CHRNB1: variants seen among roughly 807,000 people sequenced by gnomAD.
The protein encoded by CHRNB1 is acetylcholine receptor subunit beta.
In CHRNB1, 47 loss-of-function variants were observed where a neutral mutation model predicts 53.8. The observed-to-expected ratio is 0.87, with a 90% CI of 0.69 to 1.11. The LOEUF (loss-of-function observed/expected upper bound fraction) is 1.11. CHRNB1 is among the 50% of genes most tolerant of loss of function. CHRNB1 has a pLI of 0.00. For missense variants in CHRNB1, 605 were observed against 654.9 expected (o/e 0.92, Z 0.83); for synonymous variants, 259 against 263.5 (o/e 0.98, Z 0.16).
rs1287617998 is a variant in CHRNB1 at position 7,456,728 on chromosome 17, T to C, written c.*5T>C. ...CCTCCAGACCCCTTTCCTTGAAGACTGGAGGGTTGAGACCCAGGCCCCCTG... is the reference window on the plus strand; with the variant it reads ...CCTCCAGACCCCTTTCCTTGAAGACCGGAGGGTTGAGACCCAGGCCCCCTG... On this transcript the variant is annotated 3_prime_UTR_variant, in exon 11 of 11. Transcript: ENST00000306071. 6.2e-7 allele frequency: 1 copy of C among 1,614,160 alleles called. No individual in the cohort carries two copies. Among genetic ancestry groups the C allele is most frequent in the South Asian group, 1.1e-5 (1 of 91,080 alleles).
intron 7 of CHRNB1, among the ~76,000 whole-genome samples, chr17:7,449,424 T>C (rs1220929978): frequency 7.7e-4 from 114 of 147,160 alleles, no homozygotes; most frequent in African/African-American, 2.6e-3. Context: ...TTTTTTTTTT[T>C]TGAGACAGAG....
Position 7,445,631 on chromosome 17 carries a change from A to C in CHRNB1, c.198+222A>C. 2.1e-6 allele frequency: 3 copies of C among 1,430,282 alleles called. No homozygotes were observed. In the South Asian group the frequency reaches 4.4e-5, roughly 21 times the overall value. The allele number at this position is 1,430,282 out of a possible 1,614,324, so 88.6% of individuals were successfully genotyped here. A position where few individuals can be genotyped will look rare whatever the true frequency, so the allele number is the denominator to read the frequency against. On this transcript the variant is annotated intron_variant, in intron 2 of 10. Transcript: ENST00000306071. The surrounding 1 kb of genome is among the most constrained non-coding windows in gnomAD (Gnocchi z 5.7). ...TAGAACTGGGTAGGGTGAAGGACGG[A>C]CCTGTGATCGGACCTTAAAGTGGGG...
In CHRNB1 at chr17:7,447,075, T is replaced by C. The variant is rs762779280; in HGVS notation, c.386T>C (p.Ile129Thr). 4 of 1,614,090 alleles carry C rather than the reference T, an allele frequency of 2.5e-6. No individual in the cohort carries two copies. The highest frequency in any genetic ancestry group is 3.4e-6 in the Non-Finnish European group (4 of 1,180,020). ...GGGAATTTTGACGTGGCTCTGGACA[T>C]TAGCGTCGTGGTGTCCTCCGACGGC... ...NDGNFDVALD[I>T]SVVVSSDGSV... Residue 129 changes from isoleucine (I) to threonine (T), a missense_variant, in exon 5 of 11, where the codon ATT (isoleucine) becomes ACT (threonine). Physicochemically the swap from Ile to Thr is moderately conservative, Grantham distance 89 (BLOSUM62 -1). Coordinates refer to ENST00000306071, the MANE Select transcript of CHRNB1 (RefSeq NM_000747.3).
At chr17:7,451,055 T>C (rs750612175) in intron 7 of CHRNB1, among the ~76,000 whole-genome samples, 1 of 151,952 alleles carries the variant, frequency 6.6e-6, no homozygotes, top group Non-Finnish European at 1.5e-5. Flanking sequence ...CAGTAGGAGA[T>C]GAAGTCAAGG....
At chr17:7,447,256 A>G in intron 5 of CHRNB1, 105 bp downstream of exon 5, 1 of 1,021,568 alleles carries the variant, frequency 9.8e-7, no homozygotes, top group South Asian at 1.3e-5. Flanking sequence ...TTCCCCCATT[A>G]TCTAATCCCC....
In CHRNB1 at chr17:7,447,083, G is replaced by T; in HGVS notation, c.394G>T (p.Val132Leu). Residue 132 changes from valine (V) to leucine (L), a missense_variant, in exon 5 of 11, where the codon GTG becomes TTG. By Grantham distance (32) the Val-to-Leu change is conservative. Coordinates refer to ENST00000306071, the MANE Select transcript of CHRNB1 (RefSeq NM_000747.3). ...TGACGTGGCTCTGGACATTAGCGTC[G>T]TGGTGTCCTCCGACGGCTCCGTGCG... ...NFDVALDISV[V>L]VSSDGSVRWQ... The T allele has an allele frequency of 6.2e-7, 1 of 1,614,202 alleles. No individual in the cohort carries two copies. Among genetic ancestry groups the T allele is most frequent in the Non-Finnish European group, 8.5e-7 (1 of 1,180,020 alleles).
Position 7,448,786 on chromosome 17 carries a change from C to T in CHRNB1, c.818C>T (p.Ala273Val), listed in dbSNP as rs1285960519. 2 of 1,613,870 alleles carry T rather than the reference C, an allele frequency of 1.2e-6. No individual in the cohort carries two copies. The highest frequency in any genetic ancestry group is 2.7e-5 in the African/African-American group (2 of 74,930). The change falls in exon 7 of 11, where the codon GCA becomes GTA. Residue 273 changes from alanine (A) to valine (V), a missense_variant and splice_region_variant. Ala to Val is a moderately conservative substitution (Grantham distance 64, BLOSUM62 0). Transcript: ENST00000306071. ...TTCGTCTTCTACCTGCCACCAGATG[C>T]AGGTAATGGGGGAAGGGGCTCCTTA... ...AIFVFYLPPD[A>V]GEKMGLSIFA... is the part of the protein sequence containing the mutation.
At chr17:7,447,714 A>G in intron 6 of CHRNB1, 64 bp downstream of exon 6, 1 of 1,589,766 alleles carries the variant, frequency 6.3e-7, no homozygotes, top group East Asian at 2.2e-5. Context: ...AGACTCATAA[A>G]TATACTGTCA....
At chr17:7,453,463 C>T (rs1001918497) in intron 7 of CHRNB1, among the ~76,000 whole-genome samples, 2 of 152,010 alleles carry the variant, frequency 1.3e-5, no homozygotes, top group Non-Finnish European at 2.9e-5. Context: ...AGACATCCAA[C>T]TATCCAAGAG....
intron 10 of CHRNB1, 95 bp from the exon 11 acceptor site, chr17:7,456,488 T>G: frequency 2.0e-6 from 3 of 1,527,178 alleles, no homozygotes; most frequent in African/African-American, 1.4e-5. Context: ...AAACCAGTGG[T>G]AGGAGGACTC....
chr17:7,454,195 G>C lies in CHRNB1; in HGVS notation c.821-102G>C. 2.9e-6 allele frequency: 3 copies of C among 1,044,998 alleles called. No homozygotes were observed. In the South Asian group the frequency reaches 3.8e-5, roughly 13 times the overall value. The allele number at this position is 1,044,998 out of a possible 1,614,324, so 64.7% of individuals were successfully genotyped here. On this transcript the variant is annotated intron_variant, in intron 7 of 10. Coordinates refer to ENST00000306071, the MANE Select transcript of CHRNB1 (RefSeq NM_000747.3). ...GTGTGAACCACTGTGCCTGGCTGTA[G>C]AAATCTGTCTTTGAATGGCCTGGAA... is the stretch of plus-strand genomic sequence containing the variant.
rs370741879 is a variant in CHRNB1 at position 7,450,023 on chromosome 17, G to T, written c.820+1235G>T. On this transcript the variant is annotated intron_variant, in intron 7 of 10. Transcript: ENST00000306071. ...TGTGCCACTGAACTCCAGCCTGGGA[G>T]ACAGACTCTGTCTCAAAAAATAAAT... Among the ~76,000 whole-genome samples, 56 of 148,272 alleles carry T rather than the reference G, an allele frequency of 3.8e-4. 1 individual carries two copies. The highest frequency in any genetic ancestry group is 1.4e-3 in the African/African-American group (55 of 39,730).
At chr17:7,454,162 G>A in intron 7 of CHRNB1, 135 bp from the exon 8 acceptor site, 1 of 791,118 alleles carries the variant, frequency 1.3e-6, no homozygotes. Context: ...AAAGTGCCAG[G>A]ACTACAGGTG....
chr17:7,454,794 CTTTTTTTTTTTTT>C lies in CHRNB1; in HGVS notation c.1044+288_1044+300del, dbSNP rs1171593191. Among the ~76,000 whole-genome samples the C allele has an allele frequency of 2.7e-4, 18 of 65,538 alleles. No homozygotes were observed. The South Asian group carries it at 0.012, about 43-fold the overall frequency. 43.0% of individuals were successfully genotyped at this position (65,538 alleles called of 152,430 possible). On this transcript the variant is annotated intron_variant, in intron 8 of 10. Transcript: ENST00000306071. ...GGATACCTCCCAACCCACTAAATAG[CTTTTTTTTTTTTT>C]TTTTTTTTTTTTTGAGATGGAGTTT...
chr17:7,446,046 C>T (rs1567676633), intron 2 of CHRNB1, 23 bp from the exon 3 acceptor site: 1 of 1,612,606 alleles, frequency 6.2e-7, no homozygotes, highest in South Asian at 1.1e-5. Flanking sequence ...TTCACCTTTA[C>T]GCCTTAAATT....
chr17:7,448,841 C>T (rs1434492392), intron 7 of CHRNB1, 53 bp downstream of exon 7: 4 of 1,575,788 alleles, frequency 2.5e-6, no homozygotes, highest in Admixed American at 1.7e-5. Flanking sequence ...GCTTCTTACT[C>T]TTTATCCTTA....
At chr17:7,453,201 T>A (rs1487090257) in intron 7 of CHRNB1, among the ~76,000 whole-genome samples, 1 of 152,180 alleles carries the variant, frequency 6.6e-6, no homozygotes, top group Non-Finnish European at 1.5e-5. Context: ...CACTGCAACC[T>A]CTGCCTCCTG....
chr17:7,451,959 C>T (rs1393603577), intron 7 of CHRNB1, among the ~76,000 whole-genome samples: 1 of 152,214 alleles, frequency 6.6e-6, no homozygotes, highest in African/African-American at 2.4e-5. Flanking sequence ...CCCTGGAAGC[C>T]CCCTCAACCC....
chr17:7,448,631 A>T lies in CHRNB1; in HGVS notation c.663A>T (p.Pro221=), dbSNP rs759723394. 9.9e-6 allele frequency: 16 copies of T among 1,614,108 alleles called. No individual in the cohort carries two copies. The highest frequency in any genetic ancestry group is 1.4e-5 in the Non-Finnish European group (16 of 1,180,012). ...AGCCCTCTCGGCTAATCCAGCCTCCAGGCGATCCTAGGGGAGGGAGGGAAG... is the reference window on the plus strand; with the variant it reads ...AGCCCTCTCGGCTAATCCAGCCTCCTGGCGATCCTAGGGGAGGGAGGGAAG... The part of the protein sequence containing the change: ...IHKPSRLIQP[P]GDPRGGREGQ... Residue 221 remains proline, a synonymous_variant, in exon 7 of 11, where the codon CCA becomes CCT. Coordinates refer to ENST00000306071, the MANE Select transcript of CHRNB1 (RefSeq NM_000747.3).
Sources: allele counts gnomAD v4.1 joint callset (sites outside exome capture counted in the v4.1 genomes callset), GRCh38; gene constraint gnomAD v4.1.1; non-coding constraint Gnocchi (gnomAD v3.1); transcripts MANE v1.5; gene names NCBI Gene and HGNC (gene_info 2026-07-23, HGNC 2026-07-21).